STAB2: variants seen among roughly 807,000 people sequenced by gnomAD.
The protein encoded by STAB2 is stabilin 2.
A neutral mutation model predicts 338.1 loss-of-function variants in STAB2; 288 were observed. The ratio of observed to expected loss-of-function variants is 0.85; its 90% CI spans 0.77 to 0.94. STAB2 has a LOEUF of 0.94. Among genes scored for constraint, STAB2 ranks in the 40% least tolerant of loss-of-function variants. The probability of loss-of-function intolerance (pLI) is 0.00; values close to 1 mark genes in which losing one functional copy is unlikely to be tolerated. For missense variants in STAB2, 3,141 were observed against 3,210.1 expected, an observed-to-expected ratio of 0.98 and a Z score of 0.52; for synonymous variants, 1,202 against 1,193.3, an observed-to-expected ratio of 1.01 and a Z score of -0.15.
In STAB2 at chr12:103,706,791, G is replaced by A. The variant is rs1196751429; in HGVS notation, c.3997-1G>A. On this transcript the variant is annotated splice_acceptor_variant, in intron 37 of 68. Coordinates refer to ENST00000388887, the MANE Select transcript of STAB2 (RefSeq NM_017564.10). LOFTEE classifies it high-confidence loss of function. The stretch of plus-strand genomic sequence containing the variant: ...TGTCAAGCTTTGTCCTTCTGTTTCA[G>A]ACGAGAGAATGCTGTGCCGGCTTCT... 6.2e-7 allele frequency: 1 copy of A among 1,614,272 alleles called. No homozygotes were observed. The highest frequency in any genetic ancestry group is 8.5e-7 in the Non-Finnish European group (1 of 1,180,056).
intron 59 of STAB2, among the ~76,000 whole-genome samples, chr12:103,750,007 G>A (rs1883483107): frequency 6.6e-6 from 1 of 152,168 alleles, no homozygotes; most frequent in Non-Finnish European, 1.5e-5. Flanking sequence ...TGACCTGGAG[G>A]TGGCTAATTA....
At chr12:103,692,710 T>G (rs970394244) in intron 30 of STAB2, 102 bp from the exon 31 acceptor site, 1 of 895,704 alleles carries the variant, frequency 1.1e-6, no homozygotes, top group African/African-American at 1.7e-5. Context: ...CCCAAAAGTA[T>G]GAAGGTCACT....
intron 3 of STAB2, among the ~76,000 whole-genome samples, chr12:103,603,317 A>T (rs1956981975): frequency 6.6e-6 from 1 of 152,032 alleles, no homozygotes; most frequent in Non-Finnish European, 1.5e-5. Context: ...TGATCTGCCC[A>T]CCTCAGCCTC....
chr12:103,730,035 T>C (rs1881508254), intron 48 of STAB2, 81 bp from the exon 49 acceptor site: 5 of 1,372,164 alleles, frequency 3.6e-6, no homozygotes, highest in Admixed American at 2.6e-5. Context: ...ATTTGACACA[T>C]TGGTAAAGCA....
chr12:103,696,483 G>T (rs1489692500), intron 33 of STAB2, among the ~76,000 whole-genome samples: 1 of 152,170 alleles, frequency 6.6e-6, no homozygotes, highest in Non-Finnish European at 1.5e-5. Flanking sequence ...GATAAATTAT[G>T]ATCAGCTTAT....
chr12:103,728,992 T>A lies in STAB2; in HGVS notation c.5079T>A (p.Ser1693=), dbSNP rs767625383. 1 of 1,613,796 alleles carries A rather than the reference T, an allele frequency of 6.2e-7. No homozygotes were observed. The highest frequency in any genetic ancestry group is 8.5e-7 in the Non-Finnish European group (1 of 1,179,778). The change falls in exon 48 of 69, where the codon TCT becomes TCA. Residue 1693 remains serine, a synonymous_variant. Transcript: ENST00000388887. ...GAGAGCCAATAGTCATCTCCGTCTC[T>A]CAGGTAGATGCCAGTTATCCTTAGG... is the stretch of plus-strand genomic sequence containing the variant. ...LQGEPIVISV[S]QSTVYINNKA... is the part of the protein sequence containing the mutation.
At chr12:103,639,695 A>G in intron 8 of STAB2, among the ~76,000 whole-genome samples, 1 of 97,668 alleles carries the variant, frequency 1.0e-5, no homozygotes, top group South Asian at 3.8e-4. Context: ...CCAGAGTAAG[A>G]CCCTGTCTCA....
intron 44 of STAB2, among the ~76,000 whole-genome samples, chr12:103,723,718 A>T (rs1029462096): frequency 1.7e-4 from 26 of 152,090 alleles, no homozygotes; most frequent in Non-Finnish European, 3.2e-4. Flanking sequence ...GCCAAGCCAT[A>T]GTGATGGAGG....
intron 61 of STAB2, among the ~76,000 whole-genome samples, 165 bp downstream of exon 61, chr12:103,753,518 T>C (rs1199028041): frequency 6.6e-6 from 1 of 152,194 alleles, no homozygotes; most frequent in Non-Finnish European, 1.5e-5. Context: ...TGGGCATCTA[T>C]TATGTGTCAG....
chr12:103,702,590 C>G (rs540200820), intron 34 of STAB2, among the ~76,000 whole-genome samples: 2 of 152,262 alleles, frequency 1.3e-5, no homozygotes, highest in African/African-American at 4.8e-5. Flanking sequence ...TGAGCCACCG[C>G]GCCCGGCCTA....
intron 19 of STAB2, among the ~76,000 whole-genome samples, chr12:103,668,293 A>C (rs1875358025): frequency 6.6e-6 from 1 of 152,234 alleles, no homozygotes; most frequent in Non-Finnish European, 1.5e-5. Context: ...ATGTCTCTGT[A>C]GGAGATCTTA....
At chr12:103,619,200 C>A (rs76250543) in intron 3 of STAB2, among the ~76,000 whole-genome samples, 2,151 of 152,214 alleles carry the variant, frequency 0.014, 61 homozygotes, top group African/African-American at 0.049. Flanking sequence ...AGGCACTTAC[C>A]TTGCTAACTT....
rs547478164 is a variant in STAB2 at position 103,727,376 on chromosome 12, G to C, written c.4935+26G>C. 11 of 1,612,532 alleles carry C rather than the reference G, an allele frequency of 6.8e-6. 1 individual carries two copies. The African/African-American group carries it at 9.4e-5, about 14-fold the overall frequency. The stretch of plus-strand genomic sequence containing the variant: ...GTGAGCATGAGACTGTGGGCAGAAG[G>C]GGGAGGTCTGCGGCTGGAACATAGT... On this transcript the variant is annotated intron_variant, in intron 47 of 68. Transcript: ENST00000388887.
rs752448561 is a variant in STAB2, at chr12:103,689,973, C to G, written c.3173C>G (p.Ala1058Gly). 20 of 1,613,098 alleles carry G rather than the reference C, an allele frequency of 1.2e-5. No individual in the cohort carries two copies. Among genetic ancestry groups the G allele is most frequent in the Non-Finnish European group, 1.7e-5 (20 of 1,179,686 alleles). The change falls in exon 29 of 69, where the codon GCC (alanine) becomes GGC (glycine). Residue 1058 changes from alanine (A) to glycine (G), a missense_variant. By Grantham distance (60) the Ala-to-Gly change is moderately conservative. Coordinates refer to ENST00000388887, the MANE Select transcript of STAB2 (RefSeq NM_017564.10). ...SFWLSQSNIP[A>G]LIKYHMLLGT... ...TGGTTGTCACAGAGCAATATTCCAG[C>G]CCTAATAAAGTAGGTGTTACTTATT...
chr12:103,662,444 A>G (rs1874704036), intron 17 of STAB2, among the ~76,000 whole-genome samples: 1 of 152,232 alleles, frequency 6.6e-6, no homozygotes, highest in African/African-American at 2.4e-5. Flanking sequence ...ATTTGTTCAC[A>G]GATGTATACC....
chr12:103,753,304 A>G lies in STAB2; in HGVS notation c.6665A>G (p.Asn2222Ser), dbSNP rs764769073. 22 of 1,614,264 alleles carry G rather than the reference A, an allele frequency of 1.4e-5. No individual in the cohort carries two copies. The South Asian group carries it at 2.2e-4, about 16-fold the overall frequency. The change falls in exon 61 of 69, where the codon AAC becomes AGC. Residue 2222 changes from asparagine to serine, a missense_variant. Transcript: ENST00000388887. Reference sequence around the variant, plus strand: ...GACAAAGCCAGAGAGGCCTGTGCCAACGAAGCTGCGACCATGGCAACCTAC... The same window carrying G: ...GACAAAGCCAGAGAGGCCTGTGCCAGCGAAGCTGCGACCATGGCAACCTAC... ...TFDKAREACA[N>S]EAATMATYNQ...
rs1200304479 is a variant in STAB2 at position 103,669,637 on chromosome 12, G to A, written c.2259+10G>A. 6 of 1,610,762 alleles carry A rather than the reference G, an allele frequency of 3.7e-6. No individual in the cohort carries two copies. In the South Asian group the frequency reaches 5.5e-5, roughly 15 times the overall value. On this transcript the variant is annotated intron_variant, in intron 21 of 68. Coordinates refer to ENST00000388887, the MANE Select transcript of STAB2 (RefSeq NM_017564.10). ...CTCAGGAAATGGACAGGTGAATACTGAAGACTGGCCTTCCATAAGTCAAAT... is the reference window on the plus strand; with the variant it reads ...CTCAGGAAATGGACAGGTGAATACTAAAGACTGGCCTTCCATAAGTCAAAT...
At chr12:103,595,093 A>G (rs1190059123) in intron 3 of STAB2, among the ~76,000 whole-genome samples, 1 of 152,200 alleles carries the variant, frequency 6.6e-6, no homozygotes, top group Non-Finnish European at 1.5e-5. Context: ...AATCAATGGT[A>G]TAGTTAGATT....
At chr12:103,620,745 GC>G (rs758168962) in intron 4 of STAB2, among the ~76,000 whole-genome samples, 192 bp downstream of exon 4, 8 of 152,144 alleles carry the variant, frequency 5.3e-5, no homozygotes, top group South Asian at 4.1e-4. Context: ...ACCATTTATA[GC>G]CTGGGGGCCT....
Sources: allele counts gnomAD v4.1 joint callset (sites outside exome capture counted in the v4.1 genomes callset), GRCh38; gene constraint gnomAD v4.1.1; transcripts MANE v1.5; gene names NCBI Gene and HGNC (gene_info 2026-07-23, HGNC 2026-07-21).